MYLK: variants seen among roughly 807,000 people sequenced by gnomAD.
MYLK encodes myosin light chain kinase, smooth muscle.
Under a neutral mutation model 203.4 loss-of-function variants are expected in MYLK, and 106 were observed. The ratio of observed to expected loss-of-function variants is 0.52; its 90% CI spans 0.45 to 0.61. The LOEUF (loss-of-function observed/expected upper bound fraction) is 0.61, where lower values mean the gene tolerates loss of function less well. Ranked by LOEUF, MYLK falls within the 20% of genes least tolerant of loss-of-function variation. MYLK has a pLI of 0.00. For synonymous variants in MYLK, 867 were observed against 959.5 expected (o/e 0.90, Z 1.78); for missense variants, 2,072 against 2,442.3 (o/e 0.85, Z 3.20).
At chr3:123,760,020 T>C (rs966736209) in intron 4 of MYLK, among the ~76,000 whole-genome samples, 2 of 152,228 alleles carry the variant, frequency 1.3e-5, no homozygotes, top group Non-Finnish European at 2.9e-5. Context: ...GGAAGGTATA[T>C]GGCCTTTGGA....
At chr3:123,852,324 C>T (rs1349359817) in intron 2 of MYLK, among the ~76,000 whole-genome samples, 3 of 152,108 alleles carry the variant, frequency 2.0e-5, no homozygotes, top group African/African-American at 7.2e-5. Context: ...CTCCTTGTAC[C>T]TCTGGTAGAA....
At chr3:123,702,460 T>C (rs1165644218) in intron 16 of MYLK, among the ~76,000 whole-genome samples, 1 of 152,176 alleles carries the variant, frequency 6.6e-6, no homozygotes, top group African/African-American at 2.4e-5. Flanking sequence ...AGTACTGCCA[T>C]GCCCAATTTA....
At chr3:123,730,012 A>G (rs561417058) in intron 11 of MYLK, among the ~76,000 whole-genome samples, 1 of 151,466 alleles carries the variant, frequency 6.6e-6, no homozygotes, top group African/African-American at 2.4e-5. Context: ...GGATCACTCA[A>G]GTCTAGGGGT....
chr3:123,859,726 A>G (rs911453113), intron 2 of MYLK, among the ~76,000 whole-genome samples: 1 of 152,258 alleles, frequency 6.6e-6, no homozygotes, highest in Non-Finnish European at 1.5e-5. Flanking sequence ...CAATTCACAA[A>G]TAGCCAAAAT....
chr3:123,796,346 CCCAAGCA>C (rs1365305260), intron 3 of MYLK, among the ~76,000 whole-genome samples: 9 of 152,154 alleles, frequency 5.9e-5, no homozygotes, highest in Non-Finnish European at 1.2e-4. Flanking sequence ...GGCATTTGAA[CCCAAGCA>C]CCTGGCGCCA....
intron 13 of MYLK, among the ~76,000 whole-genome samples, chr3:123,712,946 T>C (rs1397563127): frequency 6.6e-6 from 1 of 152,260 alleles, no homozygotes; most frequent in East Asian, 1.9e-4. Context: ...AAAGAACCAA[T>C]GGAGTCTGGG....
chr3:123,672,663 T>C (rs2059952655), intron 20 of MYLK, among the ~76,000 whole-genome samples: 5 of 152,238 alleles, frequency 3.3e-5, no homozygotes, highest in Admixed American at 2.6e-4. Context: ...TTCAGTGTCA[T>C]GGTTAAATAG....
intron 19 of MYLK, among the ~76,000 whole-genome samples, chr3:123,683,520 C>T (rs2060342414): frequency 1.3e-5 from 2 of 152,176 alleles, no homozygotes; most frequent in African/African-American, 4.8e-5. Flanking sequence ...TGCATTTCTC[C>T]TTCTGGGAGG....
intron 20 of MYLK, 48 bp downstream of exon 20, chr3:123,682,176 C>G (rs375314884): frequency 1.3e-6 from 2 of 1,487,736 alleles, no homozygotes; most frequent in East Asian, 2.3e-5. Flanking sequence ...CCCCGGGGTG[C>G]CTGCCCCTGC....
intron 20 of MYLK, among the ~76,000 whole-genome samples, chr3:123,677,547 T>C (rs1412739008): frequency 3.3e-5 from 5 of 152,112 alleles, no homozygotes; most frequent in Non-Finnish European, 7.4e-5. Flanking sequence ...GCCTGTGAAC[T>C]TCTTTCCTGT....
At chr3:123,785,039 A>G (rs1410884628) in intron 4 of MYLK, among the ~76,000 whole-genome samples, 1 of 151,996 alleles carries the variant, frequency 6.6e-6, no homozygotes, top group Admixed American at 6.6e-5. Flanking sequence ...TCCTTTAATC[A>G]CCCCGACTTC....
chr3:123,774,823 T>C (rs1349231291), intron 4 of MYLK, among the ~76,000 whole-genome samples: 1 of 152,214 alleles, frequency 6.6e-6, no homozygotes, highest in Non-Finnish European at 1.5e-5. Flanking sequence ...GTTGCACATT[T>C]TATTGTATTA....
Position 123,629,531 on chromosome 3 carries a change from T to A in MYLK, c.5057A>T (p.Asp1686Val). ...ATWDFDDEAF[D>V]EISDDAKDFI... ...ATCCTTGGCATCGTCGGAGATCTCA[T>A]CGAATGCCTCGTCGTCGAAGTCCCA... Residue 1686 changes from aspartate to valine, a missense_variant, in exon 30 of 34, where the codon GAT becomes GTT. Transcript: ENST00000360304. This position sits in a 1 kb window ranked among gnomAD's most constrained non-coding sequence, Gnocchi z 4.4. 1 of 1,614,176 alleles carries A rather than the reference T, an allele frequency of 6.2e-7. No homozygotes were observed. The highest frequency in any genetic ancestry group is 8.5e-7 in the Non-Finnish European group (1 of 1,180,040).
At chr3:123,637,355 T>C (rs2108081346) in intron 29 of MYLK, among the ~76,000 whole-genome samples, 1 of 152,200 alleles carries the variant, frequency 6.6e-6, no homozygotes, top group South Asian at 2.1e-4. Context: ...AAATGTGGCA[T>C]TCCAGGTCAC....
intron 4 of MYLK, among the ~76,000 whole-genome samples, chr3:123,760,125 C>T (rs1475576887): frequency 6.6e-6 from 1 of 152,156 alleles, no homozygotes; most frequent in Non-Finnish European, 1.5e-5. Flanking sequence ...TACGTAACTG[C>T]AAAGTGCAGA....
At chr3:123,810,261 C>T (rs4678062) in intron 3 of MYLK, among the ~76,000 whole-genome samples, 26,055 of 152,122 alleles carry the variant, frequency 0.17, 2,840 homozygotes, top group Non-Finnish European at 0.24. Context: ...ACAGAATGGC[C>T]GTGTTTCCCG....
chr3:123,681,971 A>G, intron 20 of MYLK: 2 of 548,466 alleles, frequency 3.6e-6, no homozygotes, highest in Non-Finnish European at 6.7e-6. Context: ...GGTAGATAGG[A>G]GCTCAGATGA....
chr3:123,732,475 C>T (rs1410565327), intron 11 of MYLK, among the ~76,000 whole-genome samples: 4 of 152,208 alleles, frequency 2.6e-5, no homozygotes, highest in Admixed American at 6.5e-5. Flanking sequence ...AAATTCCCCA[C>T]AATGAACATG....
chr3:123,646,907 A>AG, intron 27 of MYLK: 1 of 380,974 alleles, frequency 2.6e-6, no homozygotes, highest in South Asian at 3.1e-5. Flanking sequence ...CAAGGAGCCT[A>AG]GGGATAGCTT....
Sources: allele counts gnomAD v4.1 joint callset (sites outside exome capture counted in the v4.1 genomes callset), GRCh38; gene constraint gnomAD v4.1.1; non-coding constraint Gnocchi (gnomAD v3.1); transcripts MANE v1.5; gene names NCBI Gene and HGNC (gene_info 2026-07-23, HGNC 2026-07-21).